PHF21B: variants seen among roughly 807,000 people sequenced by gnomAD.
PHF21B encodes PHD finger protein 4.
A neutral mutation model predicts 62.2 loss-of-function variants in PHF21B; 22 were observed. The observed-to-expected ratio is 0.35, with a 90% confidence interval of 0.25 to 0.51. The LOEUF (loss-of-function observed/expected upper bound fraction) is 0.51. PHF21B is among the 20% of genes least tolerant of loss of function. The probability of loss-of-function intolerance (pLI) is 0.97; values close to 1 mark genes in which losing one functional copy is unlikely to be tolerated. For synonymous variants in PHF21B, 341 were observed against 314.7 expected, an observed-to-expected ratio of 1.08 and a Z score of -0.88; for missense variants, 701 against 707.9, an observed-to-expected ratio of 0.99 and a Z score of 0.11.
intron 5 of PHF21B, among the ~76,000 whole-genome samples, chr22:44,898,042 C>T (rs1311794688): frequency 1.3e-5 from 2 of 152,210 alleles, no homozygotes; most frequent in Non-Finnish European, 2.9e-5. Flanking sequence ...CTCTTGGCTT[C>T]AAGCGATCCT....
chr22:44,952,917 G>A (rs1490499795), intron 2 of PHF21B, among the ~76,000 whole-genome samples: 3 of 152,194 alleles, frequency 2.0e-5, no homozygotes, highest in Non-Finnish European at 4.4e-5. Flanking sequence ...GCCCTCGGTT[G>A]CCCTCGGGAC....
chr22:44,923,757 C>T (rs111259685), intron 2 of PHF21B, among the ~76,000 whole-genome samples: 2 of 152,246 alleles, frequency 1.3e-5, no homozygotes, highest in African/African-American at 4.8e-5. Flanking sequence ...GTGCCTCATG[C>T]TTGAAATCCC....
At chr22:44,991,737 C>T (rs968797721) in intron 2 of PHF21B, among the ~76,000 whole-genome samples, 1 of 152,362 alleles carries the variant, frequency 6.6e-6, no homozygotes, top group Non-Finnish European at 1.5e-5. Context: ...CCTCCACTGG[C>T]CTGCTAGCCA....
intron 2 of PHF21B, among the ~76,000 whole-genome samples, chr22:44,982,744 A>AT (rs2072865881): frequency 6.6e-6 from 1 of 152,138 alleles, no homozygotes. Flanking sequence ...ATTAATGGTG[A>AT]TTTTTATCTG....
At chr22:45,005,459 A>T (rs1391939150) in intron 2 of PHF21B, among the ~76,000 whole-genome samples, 1 of 152,216 alleles carries the variant, frequency 6.6e-6, no homozygotes, top group Non-Finnish European at 1.5e-5. Flanking sequence ...GAATGGTAGG[A>T]CAAAAACTAG....
At chr22:44,949,016 G>T (rs544324110) in intron 2 of PHF21B, among the ~76,000 whole-genome samples, 1 of 152,064 alleles carries the variant, frequency 6.6e-6, no homozygotes, top group Non-Finnish European at 1.5e-5. Flanking sequence ...GAAAGCTGAG[G>T]TAGGGGCCGG....
At chr22:44,984,098 CCAT>C (rs1172803483) in intron 2 of PHF21B, among the ~76,000 whole-genome samples, 12 of 148,454 alleles carry the variant, frequency 8.1e-5, no homozygotes, top group South Asian at 2.2e-4. Context: ...ATCATCATCA[CCAT>C]CATCACCACC....
Position 44,920,391 on chromosome 22 carries a change from T to C in PHF21B, c.213+7A>G. 6.2e-7 allele frequency: 1 copy of C among 1,605,610 alleles called. No homozygotes were observed. The highest frequency in any genetic ancestry group is 8.5e-7 in the Non-Finnish European group (1 of 1,174,948). On this transcript the variant is annotated splice_region_variant and intron_variant, in intron 3 of 12. Coordinates refer to ENST00000313237, the MANE Select transcript of PHF21B (RefSeq NM_138415.5). Reference sequence around the variant, plus strand: ...GACACCCCAGGGCCCGCCCGAGGGCTGCTTACCTGAGGTAGCACTGCCGCT... The same window carrying C: ...GACACCCCAGGGCCCGCCCGAGGGCCGCTTACCTGAGGTAGCACTGCCGCT...
intron 3 of PHF21B, among the ~76,000 whole-genome samples, chr22:44,917,989 C>G (rs914799336): frequency 2.6e-5 from 4 of 152,242 alleles, no homozygotes; most frequent in Non-Finnish European, 4.4e-5. Flanking sequence ...GGCCACACCA[C>G]GGGCAGGCGA....
At chr22:44,969,785 C>T (rs976471105) in intron 2 of PHF21B, among the ~76,000 whole-genome samples, 2 of 152,180 alleles carry the variant, frequency 1.3e-5, no homozygotes, top group African/African-American at 4.8e-5. Flanking sequence ...GTAGACTTTC[C>T]GCTATCTCAC....
At chr22:44,934,144 G>C (rs1320795318) in intron 2 of PHF21B, among the ~76,000 whole-genome samples, 1 of 152,198 alleles carries the variant, frequency 6.6e-6, no homozygotes, top group Non-Finnish European at 1.5e-5. Flanking sequence ...GGGTGGTCCT[G>C]GTGGCTGCCA....
chr22:44,929,299 T>G (rs1484711373), intron 2 of PHF21B, among the ~76,000 whole-genome samples: 1 of 152,242 alleles, frequency 6.6e-6, no homozygotes, highest in African/African-American at 2.4e-5. Context: ...CACGGGCCGC[T>G]GCTGCTGCAT....
At chr22:44,916,040 G>A (rs542772970) in intron 4 of PHF21B, among the ~76,000 whole-genome samples, 1 of 152,228 alleles carries the variant, frequency 6.6e-6, no homozygotes, top group African/African-American at 2.4e-5. Flanking sequence ...TATTGTCTCT[G>A]GATCGCATAT....
At chr22:45,006,985 T>G (rs1601705941) in intron 2 of PHF21B, among the ~76,000 whole-genome samples, 1 of 151,992 alleles carries the variant, frequency 6.6e-6, no homozygotes, top group Non-Finnish European at 1.5e-5. Context: ...AAAATGGTAA[T>G]GCAGGGCCTG....
chr22:44,967,618 C>A (rs943108102), intron 2 of PHF21B, among the ~76,000 whole-genome samples: 4 of 152,200 alleles, frequency 2.6e-5, no homozygotes, highest in Non-Finnish European at 5.9e-5. Flanking sequence ...CAGTAGCCCA[C>A]GCTGTTTCTG....
intron 2 of PHF21B, among the ~76,000 whole-genome samples, chr22:44,920,775 T>A (rs930703563): frequency 2.6e-5 from 4 of 152,228 alleles, no homozygotes; most frequent in African/African-American, 9.6e-5. Context: ...AAATATAGAA[T>A]GTTGTAACCT....
rs1219274693 is a variant in PHF21B, at chr22:44,924,590, G to A, written c.121-4100C>T. 7.2e-5 allele frequency among the ~76,000 whole-genome samples: 11 copies of A among 152,304 alleles called. No individual in the cohort carries two copies. The East Asian group carries it at 1.9e-3, about 27-fold the overall frequency. ...CTCATTCTCTTTCTCTCTCTGCCAT[G>A]GGCAAATACAGCAAGAAGGTGGCCA... is the stretch of plus-strand genomic sequence containing the variant. On this transcript the variant is annotated intron_variant, in intron 2 of 12. Transcript: ENST00000313237.
intron 2 of PHF21B, among the ~76,000 whole-genome samples, chr22:44,945,136 G>A (rs913006032): frequency 6.6e-6 from 1 of 152,198 alleles, no homozygotes; most frequent in Non-Finnish European, 1.5e-5. Context: ...ACCATGGCAG[G>A]AAAACCCTCC....
chr22:44,952,335 C>T (rs1178818386), intron 2 of PHF21B, among the ~76,000 whole-genome samples: 2 of 152,158 alleles, frequency 1.3e-5, no homozygotes, highest in Non-Finnish European at 2.9e-5. Flanking sequence ...AAGAGCGAAA[C>T]TTTGTCTCAA....
Sources: gnomAD v4.1 joint callset for allele counts (sites outside exome capture counted in the v4.1 genomes callset) on GRCh38, gnomAD v4.1.1 for gene constraint, MANE v1.5 for transcripts, NCBI Gene and HGNC (gene_info 2026-07-23, HGNC 2026-07-21) for gene names.